Variants in PCDHGA1 observed in about 807,000 individuals in gnomAD.
PCDHGA1 encodes protocadherin gamma-A1.
PCDHGA1 carries 32 observed loss-of-function variants against 58.0 expected under a neutral mutation model. The ratio of observed to expected loss-of-function variants is 0.55; its 90% CI spans 0.42 to 0.74. The LOEUF (loss-of-function observed/expected upper bound fraction) is 0.74, where lower values mean the gene tolerates loss of function less well. Ranked by LOEUF, PCDHGA1 falls within the 30% of genes least tolerant of loss-of-function variation. The pLI is 0.00. For synonymous variants in PCDHGA1, 498 were observed against 501.1 expected (o/e 0.99, Z 0.08); for missense variants, 1,205 against 1,182.3 (o/e 1.02, Z -0.28).
At chr5:141,401,322 A>G (rs2094140521) in intron 1 of PCDHGA1, among the ~76,000 whole-genome samples, 1 of 152,218 alleles carries the variant, frequency 6.6e-6, no homozygotes, top group African/African-American at 2.4e-5. Flanking sequence ...AGCCTGGGCA[A>G]CAAGAGCAAA....
Position 141,431,364 on chromosome 5 carries a change from G to T in PCDHGA1, c.2422-63443G>T, listed in dbSNP as rs773688069. 3 of 1,613,892 alleles carry T rather than the reference G, an allele frequency of 1.9e-6. No individual in the cohort carries two copies. The East Asian group carries it at 6.7e-5, about 36-fold the overall frequency. ...TTGGTGCTGAAACGCGCCCTGGACC[G>T]CGAAGAAAAGGCTGCTCACCACCTG... On this transcript the variant is annotated intron_variant, in intron 1 of 3. Coordinates refer to ENST00000517417, the MANE Select transcript of PCDHGA1 (RefSeq NM_018912.3). The surrounding 1 kb of genome is among the most constrained non-coding windows in gnomAD (Gnocchi z 4.8).
chr5:141,362,714 C>G, intron 1 of PCDHGA1: 1 of 916,370 alleles, frequency 1.1e-6, no homozygotes, highest in South Asian at 1.8e-5. Context: ...AGTGTTTTCT[C>G]TCTGAAGTGT....
chr5:141,330,817 G>A lies in PCDHGA1; in HGVS notation c.133G>A (p.Val45Ile), dbSNP rs1415948190. 6.2e-7 allele frequency: 1 copy of A among 1,614,180 alleles called. No individual in the cohort carries two copies. The highest frequency in any genetic ancestry group is 1.1e-5 in the South Asian group (1 of 91,082). Residue 45 changes from valine to isoleucine, a missense_variant, in exon 1 of 4, where the codon GTA becomes ATA. Val to Ile is a conservative substitution (Grantham distance 29). Transcript: ENST00000517417. ...VPEETDKGSF[V>I]GNIAKDLGLQ... ...GGAAGAGACAGACAAAGGTTCCTTCGTAGGCAACATCGCCAAGGACCTAGG... is the reference window on the plus strand; with the variant it reads ...GGAAGAGACAGACAAAGGTTCCTTCATAGGCAACATCGCCAAGGACCTAGG...
At chr5:141,392,633 A>T (rs2092567816) in intron 1 of PCDHGA1, 1 of 610,728 alleles carries the variant, frequency 1.6e-6, no homozygotes, top group African/African-American at 1.9e-5. Flanking sequence ...CTCAGATCTC[A>T]CACCTCACGA....
At chr5:141,401,478 T>A (rs2094159554) in intron 1 of PCDHGA1, among the ~76,000 whole-genome samples, 1 of 152,186 alleles carries the variant, frequency 6.6e-6, no homozygotes. Flanking sequence ...TTTATCCAGG[T>A]TTTCTTGGAT....
chr5:141,350,911 G>A (rs768032628), intron 1 of PCDHGA1: 20 of 1,613,942 alleles, frequency 1.2e-5, no homozygotes, highest in Non-Finnish European at 1.6e-5. Context: ...GCGGGGACCC[G>A]CCTCTAAGCG....
rs1330784633 is a variant in PCDHGA1 at position 141,476,330 on chromosome 5, G to A, written c.2422-18477G>A. On this transcript the variant is annotated intron_variant, in intron 1 of 3. Transcript: ENST00000517417. This position sits in a 1 kb window ranked among gnomAD's most constrained non-coding sequence, Gnocchi z 7.6. ...CCGCAGGTTCCGGGTGGTGTCTGGA[G>A]CTAGCCGAAGATTCTTTGAGGTGAA... The A allele has an allele frequency of 1.2e-6, 2 of 1,614,092 alleles. No homozygotes were observed. The highest frequency in any genetic ancestry group is 1.6e-4 in the Middle Eastern group (1 of 6,084).
Position 141,345,233 on chromosome 5 carries a change from A to G in PCDHGA1, c.2421+12128A>G, listed in dbSNP as rs202138177. On this transcript the variant is annotated intron_variant, in intron 1 of 3. Transcript: ENST00000517417. The stretch of plus-strand genomic sequence containing the variant: ...TTAAGTTAGAAAAATCAATAGATCA[A>G]TATTACCGCTTAGTGACGGCCACAT... 364 of 1,613,968 alleles carry G rather than the reference A, an allele frequency of 2.3e-4. No individual in the cohort carries two copies. In the East Asian group the frequency reaches 7.0e-3, roughly 31 times the overall value.
At chr5:141,456,574 T>G (rs373414652) in intron 1 of PCDHGA1, among the ~76,000 whole-genome samples, 3 of 152,198 alleles carry the variant, frequency 2.0e-5, no homozygotes, top group South Asian at 4.1e-4. Flanking sequence ...ACATTTTCCC[T>G]GAGCCTGTCA....
Position 141,489,429 on chromosome 5 carries a change from G to A in PCDHGA1, c.2422-5378G>A. 1 of 1,614,140 alleles carries A rather than the reference G, an allele frequency of 6.2e-7. No individual in the cohort carries two copies. Among genetic ancestry groups the A allele is most frequent in the Non-Finnish European group, 8.5e-7 (1 of 1,180,036 alleles). ...AGATGACAGATCTGTTGAGCCGGCG[G>A]CTGCAATTGGGCTCTGAGGAGAATG... On this transcript the variant is annotated intron_variant, in intron 1 of 3. Transcript: ENST00000517417. The surrounding 1 kb of genome is among the most constrained non-coding windows in gnomAD (Gnocchi z 4.5).
rs571588941 is a variant in PCDHGA1, at chr5:141,428,181, A to T, written c.2422-66626A>T. The T allele has an allele frequency of 1.2e-4, 181 of 1,486,230 alleles. 2 individuals carry two copies. In the South Asian group the frequency reaches 2.0e-3, roughly 16 times the overall value. The allele number at this position is 1,486,230 out of a possible 1,614,324, so 92.1% of individuals were successfully genotyped here. A position where few individuals can be genotyped will look rare whatever the true frequency, so the allele number is the denominator to read the frequency against. ...CTGGTTGCTGTGCGTGACGGAGGAC[A>T]GCCGCCGCTCTCTGCGCCGCTACGC... On this transcript the variant is annotated intron_variant, in intron 1 of 3. Coordinates refer to ENST00000517417, the MANE Select transcript of PCDHGA1 (RefSeq NM_018912.3).
intron 1 of PCDHGA1, chr5:141,361,050 T>C (rs370096238): frequency 1.7e-5 from 28 of 1,613,586 alleles, no homozygotes; most frequent in African/African-American, 2.7e-5. Context: ...CGACAAAGGA[T>C]GATTTGGATT....
chr5:141,371,629 G>A (rs749054700), intron 1 of PCDHGA1: 6 of 1,613,866 alleles, frequency 3.7e-6, no homozygotes, highest in South Asian at 1.1e-5. Context: ...GCCCTGGACC[G>A]GGAGCAGATC....
At chr5:141,360,727 C>T in intron 1 of PCDHGA1, 1 of 1,613,988 alleles carries the variant, frequency 6.2e-7, no homozygotes, top group Non-Finnish European at 8.5e-7. Context: ...GATTCTAAAA[C>T]ACTCTCTGGA....
chr5:141,379,813 T>C (rs1775841720), intron 1 of PCDHGA1, among the ~76,000 whole-genome samples: 1 of 150,950 alleles, frequency 6.6e-6, no homozygotes, highest in South Asian at 2.1e-4. Flanking sequence ...GAGAGTTCAG[T>C]ATAGAATTTT....
At chr5:141,372,809 G>T in intron 1 of PCDHGA1, 3 of 1,587,730 alleles carry the variant, frequency 1.9e-6, no homozygotes, top group Non-Finnish European at 2.6e-6. Context: ...ATTTGCAAAA[G>T]GTGAGTTTCT....
intron 1 of PCDHGA1, among the ~76,000 whole-genome samples, chr5:141,469,340 G>A (rs1412181099): frequency 6.6e-6 from 1 of 152,138 alleles, no homozygotes; most frequent in Non-Finnish European, 1.5e-5. Context: ...ACTTTGGGAG[G>A]CTGAGGTGGA....
chr5:141,492,064 C>T (rs1562152072), intron 1 of PCDHGA1: 3 of 484,366 alleles, frequency 6.2e-6, no homozygotes, highest in Non-Finnish European at 1.1e-5. Context: ...AGCCAGCCTC[C>T]TAGGCGCCGG....
Position 141,332,176 on chromosome 5 carries a change from G to C in PCDHGA1, c.1492G>C (p.Gly498Arg). ...TYSLIEDTIQ[G>R]APLSAYLSIN... ...CTCCCTAATAGAGGACACTATCCAG[G>C]GGGCACCCCTATCTGCCTACCTCTC... is the stretch of plus-strand genomic sequence containing the variant. The change falls in exon 1 of 4, where the codon GGG becomes CGG. Residue 498 changes from glycine to arginine, a missense_variant. Physicochemically the swap from Gly to Arg is moderately radical, Grantham distance 125. Transcript: ENST00000517417. The surrounding 1 kb of genome is among the most constrained non-coding windows in gnomAD (Gnocchi z 4.6). The C allele has an allele frequency of 6.2e-7, 1 of 1,614,140 alleles. No individual in the cohort carries two copies. Among genetic ancestry groups the C allele is most frequent in the Non-Finnish European group, 8.5e-7 (1 of 1,180,034 alleles).
Sources: gnomAD v4.1 joint callset for allele counts (sites outside exome capture counted in the v4.1 genomes callset) on GRCh38, gnomAD v4.1.1 for gene constraint, Gnocchi (gnomAD v3.1) non-coding constraint, MANE v1.5 for transcripts, NCBI Gene and HGNC (gene_info 2026-07-23, HGNC 2026-07-21) for gene names.